MCTP1: variants seen among roughly 807,000 people sequenced by gnomAD.
The protein encoded by MCTP1 is multiple C2 and transmembrane domain containing 1, also known as multiple C2 and transmembrane domain-containing protein 1.
MCTP1 carries 69 observed loss-of-function variants against 120.6 expected under a neutral mutation model. The ratio of observed to expected loss-of-function variants is 0.57; its 90% CI spans 0.47 to 0.70. The LOEUF is 0.70. Ranked by LOEUF, MCTP1 falls within the 30% of genes least tolerant of loss-of-function variation. The pLI is 0.00. For missense variants in MCTP1, 1,203 were observed against 1,248.8 expected (o/e 0.96, Z 0.55); for synonymous variants, 529 against 493.1 (o/e 1.07, Z -0.96).
intron 1 of MCTP1, among the ~76,000 whole-genome samples, chr5:95,265,247 C>A (rs915654776): frequency 2.6e-5 from 4 of 152,122 alleles, no homozygotes; most frequent in Non-Finnish European, 1.5e-5. Flanking sequence ...AAGCTTCAGT[C>A]CAAGAGGTGT....
At chr5:94,894,351 A>G (rs575405590) in intron 11 of MCTP1, among the ~76,000 whole-genome samples, 151 of 152,390 alleles carry the variant, frequency 9.9e-4, no homozygotes, top group African/African-American at 3.6e-3. Flanking sequence ...GTCACATTGT[A>G]TAAACCTGGC....
chr5:95,277,101 A>G (rs1247455970), intron 1 of MCTP1, among the ~76,000 whole-genome samples: 1 of 152,186 alleles, frequency 6.6e-6, no homozygotes, highest in Non-Finnish European at 1.5e-5. Context: ...GTGAGGATGT[A>G]TAGGCAGGAA....
intron 18 of MCTP1, among the ~76,000 whole-genome samples, chr5:94,782,510 G>A (rs893175015): frequency 1.3e-5 from 2 of 152,082 alleles, no homozygotes; most frequent in Admixed American, 6.6e-5. Flanking sequence ...AATGAACATC[G>A]AAACTGCAAA....
intron 1 of MCTP1, among the ~76,000 whole-genome samples, chr5:95,118,326 A>G (rs1018603951): frequency 6.6e-6 from 1 of 152,190 alleles, no homozygotes; most frequent in Non-Finnish European, 1.5e-5. Flanking sequence ...TATCAGCTTA[A>G]AGGGTTATAA....
chr5:95,218,186 G>A (rs1483432140), intron 1 of MCTP1, among the ~76,000 whole-genome samples: 1 of 152,186 alleles, frequency 6.6e-6, no homozygotes, highest in Admixed American at 6.5e-5. Flanking sequence ...TGAGATAAGA[G>A]CTGGGATGAA....
At chr5:94,909,855 T>C (rs1008370592) in intron 9 of MCTP1, among the ~76,000 whole-genome samples, 9 of 152,036 alleles carry the variant, frequency 5.9e-5, no homozygotes, top group Admixed American at 3.3e-4. Context: ...AAACAGACAA[T>C]GAATTTCTGT....
chr5:95,044,703 C>T (rs1042483231), intron 1 of MCTP1, among the ~76,000 whole-genome samples: 15 of 151,986 alleles, frequency 9.9e-5, no homozygotes, highest in Admixed American at 9.2e-4. Context: ...TCAGCACCAT[C>T]TTCCTCTTCC....
In MCTP1 at chr5:94,715,376, A is replaced by C. The variant is rs952942456; in HGVS notation, c.2611-490T>G. 3.1e-4 allele frequency among the ~76,000 whole-genome samples: 46 copies of C among 150,612 alleles called. 1 individual carries two copies. Among genetic ancestry groups the C allele is most frequent in the African/African-American group, 9.2e-4 (38 of 41,288 alleles). On this transcript the variant is annotated intron_variant, in intron 19 of 22. Transcript: ENST00000515393. ...CAATGAAAACTACAAAAAAAAAAAA[A>C]AAAAAAAAAAAAACACCACCACCAA... is the stretch of plus-strand genomic sequence containing the variant.
intron 1 of MCTP1, among the ~76,000 whole-genome samples, chr5:95,053,253 C>T (rs577649251): frequency 9.2e-5 from 14 of 152,274 alleles, no homozygotes; most frequent in African/African-American, 2.2e-4. Context: ...ATATCTCCAC[C>T]CCCACTTAAA....
chr5:94,922,560 C>T (rs952503896), intron 7 of MCTP1, among the ~76,000 whole-genome samples: 5 of 151,958 alleles, frequency 3.3e-5, no homozygotes, highest in Admixed American at 2.0e-4. Flanking sequence ...GCAATCGCAG[C>T]CCACTACAAC....
chr5:95,265,171 C>T (rs1385108558), intron 1 of MCTP1, among the ~76,000 whole-genome samples: 2 of 152,182 alleles, frequency 1.3e-5, no homozygotes, highest in African/African-American at 2.4e-5. Flanking sequence ...CCAAGCATGG[C>T]CCAGCTGGCA....
intron 19 of MCTP1, among the ~76,000 whole-genome samples, chr5:94,740,933 G>A (rs764013762): frequency 7.9e-5 from 12 of 152,128 alleles, no homozygotes; most frequent in Admixed American, 2.0e-4. Context: ...CACAGGTTGC[G>A]GAAACACACA....
chr5:95,045,532 C>T (rs761862598), intron 1 of MCTP1, among the ~76,000 whole-genome samples: 6 of 151,962 alleles, frequency 3.9e-5, no homozygotes, highest in South Asian at 2.1e-4. Flanking sequence ...CTTAGAGAGA[C>T]GAAAACATAG....
At chr5:94,815,073 C>T (rs752662638) in intron 17 of MCTP1, among the ~76,000 whole-genome samples, 74 of 152,112 alleles carry the variant, frequency 4.9e-4, no homozygotes, top group East Asian at 7.7e-4. Context: ...TTTATTTTTC[C>T]GGTCAGCAAC....
At chr5:95,014,635 T>C (rs186597756) in intron 2 of MCTP1, among the ~76,000 whole-genome samples, 21 of 152,272 alleles carry the variant, frequency 1.4e-4, no homozygotes, top group African/African-American at 4.8e-4. Context: ...ATCTATTATT[T>C]GTACAGTTCC....
intron 6 of MCTP1, among the ~76,000 whole-genome samples, chr5:94,930,267 A>ATTTTT (rs869306266): frequency 2.9e-4 from 29 of 100,950 alleles, no homozygotes; most frequent in Non-Finnish European, 3.9e-4. Context: ...TTAAAGAAGA[A>ATTTTT]TTTTTTTTTT....
chr5:94,815,701 A>C (rs1784364658), intron 17 of MCTP1, among the ~76,000 whole-genome samples: 1 of 152,234 alleles, frequency 6.6e-6, no homozygotes, highest in Non-Finnish European at 1.5e-5. Context: ...AAGAGGCAGC[A>C]ATGTGTTTCC....
At position 94,870,986 on chromosome 5, in the gene MCTP1, G is replaced by A. The variant is rs149484071; in HGVS notation, c.2140-13C>T. 0.015 allele frequency: 23,999 copies of A among 1,605,600 alleles called. 234 individuals are homozygous for A. Among genetic ancestry groups the A allele is most frequent in the Non-Finnish European group, 0.018 (21,428 of 1,172,792 alleles). On this transcript the variant is annotated splice_polypyrimidine_tract_variant and intron_variant, in intron 14 of 22. Transcript: ENST00000515393. ...CACCATTTTGAATCTGCGGGAAAAGGACATGACAGCCGTCTGTCTCGCGGT... is the reference window on the plus strand; with the variant it reads ...CACCATTTTGAATCTGCGGGAAAAGAACATGACAGCCGTCTGTCTCGCGGT...
chr5:95,050,432 C>T (rs1745592390), intron 1 of MCTP1, among the ~76,000 whole-genome samples: 1 of 152,090 alleles, frequency 6.6e-6, no homozygotes, highest in African/African-American at 2.4e-5. Context: ...TCTTTATCTG[C>T]CTGGATGGGG....
Sources: gnomAD v4.1 joint callset for allele counts (sites outside exome capture counted in the v4.1 genomes callset) on GRCh38, gnomAD v4.1.1 for gene constraint, MANE v1.5 for transcripts, NCBI Gene and HGNC (gene_info 2026-07-23, HGNC 2026-07-21) for gene names.